Variants in DHX34 observed in about 807,000 individuals in gnomAD.
DHX34 encodes probable ATP-dependent RNA helicase DHX34.
Under a neutral mutation model 111.1 loss-of-function variants are expected in DHX34, and 96 were observed. The observed-to-expected ratio is 0.86, with a 90% CI of 0.73 to 1.02. DHX34 has a LOEUF of 1.02. DHX34 is among the 50% of genes least tolerant of loss of function. The probability of loss-of-function intolerance (pLI) is 0.00; values close to 1 mark genes in which losing one functional copy is unlikely to be tolerated. For missense variants in DHX34, 1,560 were observed against 1,579.9 expected, an observed-to-expected ratio of 0.99 and a Z score of 0.21; for synonymous variants, 688 against 670.4, an observed-to-expected ratio of 1.03 and a Z score of -0.41.
intron 6 of DHX34, 28 bp downstream of exon 6, chr19:47,362,721 A>C: frequency 1.3e-6 from 2 of 1,563,368 alleles, no homozygotes; most frequent in South Asian, 2.3e-5. Flanking sequence ...AGGGGACTAT[A>C]TCCTAACTGC....
At chr19:47,364,259 C>T (rs964302617) in intron 6 of DHX34, among the ~76,000 whole-genome samples, 4 of 152,220 alleles carry the variant, frequency 2.6e-5, no homozygotes, top group African/African-American at 4.8e-5. Context: ...CTCGTGGCCA[C>T]GCCCAACCGT....
At chr19:47,377,633 T>G (rs1242912565) in intron 13 of DHX34, among the ~76,000 whole-genome samples, 1 of 57,796 alleles carries the variant, frequency 1.7e-5, no homozygotes, top group Non-Finnish European at 3.5e-5. Flanking sequence ...CGGGGCAGAG[T>G]GTTCCAGGCA....
chr19:47,362,573 G>A lies in DHX34; in HGVS notation c.1473G>A (p.Arg491=). 1 of 1,613,540 alleles carries A rather than the reference G, an allele frequency of 6.2e-7. No individual in the cohort carries two copies. Among genetic ancestry groups the A allele is most frequent in the African/African-American group, 1.3e-5 (1 of 75,018 alleles). ...CCAGCGCAGAGCAGCGGAAGGGCCGGGCGGGCCGCACGGGCCCCGGAGTCT... is the reference window on the plus strand; with the variant it reads ...CCAGCGCAGAGCAGCGGAAGGGCCGAGCGGGCCGCACGGGCCCCGGAGTCT... ...SQASAEQRKG[R]AGRTGPGVCF... is the part of the protein sequence containing the mutation. Residue 491 remains arginine, a synonymous_variant, in exon 6 of 17, where the codon CGG becomes CGA. Coordinates refer to ENST00000328771, the MANE Select transcript of DHX34 (RefSeq NM_014681.6).
rs756836522 is a variant in DHX34 at position 47,362,685 on chromosome 19, G to C, written c.1585G>C (p.Val529Leu). ...EIRRVALDSLVLQMKSMSVGD... is the reference protein window; with the variant it reads ...EIRRVALDSLLLQMKSMSVGD... The stretch of plus-strand genomic sequence containing the variant: ...TCGGAGGGTGGCCCTGGACTCGTTG[G>C]TGCTGCAGGTGAGGCATGGGCAGAA... Residue 529 changes from valine (V) to leucine (L), a missense_variant, in exon 6 of 17, where the codon GTG becomes CTG. Physicochemically the swap from Val to Leu is conservative, Grantham distance 32. Transcript: ENST00000328771. The C allele has an allele frequency of 6.2e-7, 1 of 1,611,488 alleles. No homozygotes were observed. The highest frequency in any genetic ancestry group is 1.1e-5 in the South Asian group (1 of 90,874).
chr19:47,371,168 G>T (rs1051933815), intron 7 of DHX34, among the ~76,000 whole-genome samples: 1 of 151,848 alleles, frequency 6.6e-6, no homozygotes, highest in Non-Finnish European at 1.5e-5. Context: ...CTGGGCCCAG[G>T]AGGCTCCTGA....
In DHX34 at chr19:47,359,975, A is replaced by C. The variant is rs763743303; in HGVS notation, c.1280A>C (p.Asp427Ala). ...LSVADQDKVF[D>A]VAPPGVRKCI... The stretch of plus-strand genomic sequence containing the variant: ...CCCCTCCCTTCCTCCCAGGTATTTG[A>C]TGTGGCACCCCCTGGAGTCCGGAAA... The change falls in exon 5 of 17, where the codon GAT (aspartate) becomes GCT (alanine). Residue 427 changes from aspartate (D) to alanine (A), a missense_variant. Transcript: ENST00000328771. The C allele has an allele frequency of 2.5e-6, 4 of 1,613,820 alleles. No homozygotes were observed. The highest frequency in any genetic ancestry group is 1.3e-5 in the African/African-American group (1 of 74,866).
At chr19:47,359,333 G>A (rs1969553562) in intron 4 of DHX34, among the ~76,000 whole-genome samples, 1 of 152,032 alleles carries the variant, frequency 6.6e-6, no homozygotes, top group African/African-American at 2.4e-5. Context: ...ATGGTGGCAT[G>A]TGCCTATAAT....
intron 6 of DHX34, among the ~76,000 whole-genome samples, chr19:47,364,973 C>G (rs117702178): frequency 0.02 from 3,078 of 152,116 alleles, 45 homozygotes; most frequent in Middle Eastern, 0.041. Context: ...AAGGAACTGC[C>G]CTTCTCTGTG....
At position 47,357,908 on chromosome 19, in the gene DHX34, T is replaced by A; in HGVS notation, c.1060T>A (p.Ser354Thr). 1 of 1,613,952 alleles carries A rather than the reference T, an allele frequency of 6.2e-7. No individual in the cohort carries two copies. Among genetic ancestry groups the A allele is most frequent in the South Asian group, 1.1e-5 (1 of 91,090 alleles). ...PQEAEPTTSKSEKLDPRPFLR... is the reference protein window; with the variant it reads ...PQEAEPTTSKTEKLDPRPFLR... ...GGAGGCGGAGCCGACCACGTCCAAG[T>A]CAGAGAAGCTGGACCCGCGGCCTTT... Residue 354 changes from serine to threonine, a missense_variant, in exon 4 of 17, where the codon TCA (serine) becomes ACA (threonine). By Grantham distance (58) the Ser-to-Thr change is moderately conservative. Coordinates refer to ENST00000328771, the MANE Select transcript of DHX34 (RefSeq NM_014681.6).
intron 1 of DHX34, among the ~76,000 whole-genome samples, chr19:47,350,902 GA>G (rs1247009483): frequency 6.6e-6 from 1 of 152,018 alleles, no homozygotes; most frequent in Non-Finnish European, 1.5e-5. Flanking sequence ...GAACAAGACG[GA>G]CTGAAAAAGA....
At chr19:47,357,731 C>T in intron 3 of DHX34, 135 bp from the exon 4 acceptor site, 1 of 1,438,780 alleles carries the variant, frequency 7.0e-7, no homozygotes, top group Non-Finnish European at 9.1e-7. Context: ...ACAGAGTTGC[C>T]CACCAGCCTG....
intron 13 of DHX34, among the ~76,000 whole-genome samples, chr19:47,378,251 T>C (rs2694557): frequency 0.5 from 75,683 of 151,988 alleles, 22,128 homozygotes; most frequent in African/African-American, 0.82. Context: ...CACTTCTGTG[T>C]GTGTCCACAC....
intron 14 of DHX34, among the ~76,000 whole-genome samples, chr19:47,380,324 C>T (rs112320531): frequency 2.7e-3 from 410 of 152,228 alleles, no homozygotes; most frequent in African/African-American, 9.6e-3. Flanking sequence ...ATGGGAAGAA[C>T]TGAACTGAGC....
At chr19:47,369,480 G>C (rs556747624) in intron 7 of DHX34, among the ~76,000 whole-genome samples, 1 of 152,296 alleles carries the variant, frequency 6.6e-6, no homozygotes, top group Admixed American at 6.5e-5. Context: ...CTCTGTGCCA[G>C]GTCCTAGTCT....
chr19:47,376,454 G>C lies in DHX34; in HGVS notation c.2493G>C (p.Thr831=). 1 of 1,611,360 alleles carries C rather than the reference G, an allele frequency of 6.2e-7. No homozygotes were observed. The highest frequency in any genetic ancestry group is 8.5e-7 in the Non-Finnish European group (1 of 1,179,044). ...TCTGTCCTCCGCAGATTTTCCACACGCAGGCCAAGCAGGGCGCCGTGCTGC... is the reference window on the plus strand; with the variant it reads ...TCTGTCCTCCGCAGATTTTCCACACCCAGGCCAAGCAGGGCGCCGTGCTGC... ...SRKDSDQIFH[T]QAKQGAVLHP... The change falls in exon 12 of 17, where the codon ACG becomes ACC. Residue 831 remains threonine (T), a synonymous_variant. Transcript: ENST00000328771.
At chr19:47,367,294 C>T in intron 7 of DHX34, 139 bp downstream of exon 7, 1 of 987,042 alleles carries the variant, frequency 1.0e-6, no homozygotes, top group South Asian at 2.7e-5. Flanking sequence ...GGGCCAGGCA[C>T]TGTTCTAGGT....
chr19:47,369,485 T>C (rs1969901335), intron 7 of DHX34, among the ~76,000 whole-genome samples: 1 of 152,210 alleles, frequency 6.6e-6, no homozygotes, highest in South Asian at 2.1e-4. Context: ...TGCCAGGTCC[T>C]AGTCTAGATG....
In DHX34 at chr19:47,355,231, C is replaced by T; in HGVS notation, c.898C>T (p.Pro300Ser). The T allele has an allele frequency of 6.2e-7, 1 of 1,614,188 alleles. No individual in the cohort carries two copies. Among genetic ancestry groups the T allele is most frequent in the Non-Finnish European group, 8.5e-7 (1 of 1,180,036 alleles). The part of the protein sequence containing the change: ...FLLGVLQRLL[P>S]TRPDLKVILM... ...CCTGGGCGTCCTCCAGCGCCTGTTGCCCACGCGGCCTGACCTCAAGGTCAT... is the reference window on the plus strand; with the variant it reads ...CCTGGGCGTCCTCCAGCGCCTGTTGTCCACGCGGCCTGACCTCAAGGTCAT... The change falls in exon 3 of 17, where the codon CCC becomes TCC. Residue 300 changes from proline to serine, a missense_variant. By Grantham distance (74) the Pro-to-Ser change is moderately conservative. Coordinates refer to ENST00000328771, the MANE Select transcript of DHX34 (RefSeq NM_014681.6).
intron 1 of DHX34, among the ~76,000 whole-genome samples, chr19:47,349,729 A>T (rs997316265): frequency 5.1e-4 from 77 of 151,952 alleles, no homozygotes; most frequent in African/African-American, 1.8e-3. Flanking sequence ...TCGCCCATGA[A>T]CTTGGGGAGT....
Sources: allele counts gnomAD v4.1 joint callset (sites outside exome capture counted in the v4.1 genomes callset), GRCh38; gene constraint gnomAD v4.1.1; transcripts MANE v1.5; gene names NCBI Gene and HGNC (gene_info 2026-07-23, HGNC 2026-07-21).